Variants in NCAPG observed in about 807,000 individuals in gnomAD.
NCAPG encodes condensin complex subunit 3.
NCAPG carries 69 observed loss-of-function variants against 113.1 expected under a neutral mutation model. That is an observed-to-expected ratio of 0.61 (90% CI 0.50 to 0.75). The LOEUF (loss-of-function observed/expected upper bound fraction) is 0.75, where lower values mean the gene tolerates loss of function less well. NCAPG is among the 30% of genes least tolerant of loss of function. NCAPG has a pLI of 0.00. For missense variants in NCAPG, 1,058 were observed against 1,177.0 expected (o/e 0.90, Z 1.48); for synonymous variants, 370 against 415.8 (o/e 0.89, Z 1.34).
intron 2 of NCAPG, 152 bp downstream of exon 2, chr4:17,812,576 C>T: frequency 1.5e-6 from 1 of 658,542 alleles, no homozygotes; most frequent in Non-Finnish European, 2.6e-6. Context: ...TTAGAATTAT[C>T]ATTATGATTA....
intron 7 of NCAPG, among the ~76,000 whole-genome samples, chr4:17,821,738 T>C (rs1275537741): frequency 2.0e-5 from 3 of 151,756 alleles, no homozygotes; most frequent in Admixed American, 2.0e-4. Flanking sequence ...TGGTTGGGAT[T>C]ACAGGTGTGA....
At chr4:17,824,785 A>G (rs1721592010) in intron 9 of NCAPG, among the ~76,000 whole-genome samples, 183 bp from the exon 10 acceptor site, 1 of 147,220 alleles carries the variant, frequency 6.8e-6, no homozygotes, top group Admixed American at 6.7e-5. Context: ...GTAGTCAGAT[A>G]TATTGTTTTG....
chr4:17,825,676 T>G (rs1213979895), intron 11 of NCAPG, 115 bp downstream of exon 11: 1 of 878,298 alleles, frequency 1.1e-6, no homozygotes, highest in Non-Finnish European at 1.7e-6. Flanking sequence ...CACTTTGTAA[T>G]AGTGACATGA....
At chr4:17,822,200 T>TC (rs1721485843) in intron 7 of NCAPG, among the ~76,000 whole-genome samples, 1 of 150,164 alleles carries the variant, frequency 6.7e-6, no homozygotes, top group East Asian at 1.9e-4. Context: ...CTTTTTTTTT[T>TC]TTTTTTTTTT....
chr4:17,815,044 G>A (rs1383987664), intron 4 of NCAPG, 46 bp downstream of exon 4: 12 of 1,598,422 alleles, frequency 7.5e-6, no homozygotes, highest in Non-Finnish European at 1.0e-5. Flanking sequence ...TAAAGGACAA[G>A]GAGCCATTTT....
chr4:17,829,370 T>A (rs1721779915), intron 12 of NCAPG, among the ~76,000 whole-genome samples: 1 of 152,212 alleles, frequency 6.6e-6, no homozygotes, highest in Non-Finnish European at 1.5e-5. Flanking sequence ...GAAAACCAAT[T>A]TTAATAGTTT....
intron 11 of NCAPG, among the ~76,000 whole-genome samples, chr4:17,828,062 A>G (rs1039477857): frequency 2.0e-5 from 3 of 152,018 alleles, no homozygotes; most frequent in Non-Finnish European, 4.4e-5. Context: ...TGGCCCCCCA[A>G]AGTGCTAGGA....
chr4:17,821,457 CTTTTTTTTTT>C (rs34483824), intron 7 of NCAPG, among the ~76,000 whole-genome samples: 1 of 104,490 alleles, frequency 9.6e-6, no homozygotes, highest in African/African-American at 3.6e-5. Flanking sequence ...TCACCCCCGC[CTTTTTTTTTT>C]TTTTTTTTTT....
intron 14 of NCAPG, among the ~76,000 whole-genome samples, chr4:17,836,076 T>C (rs1722080981): frequency 6.6e-6 from 1 of 152,236 alleles, no homozygotes; most frequent in South Asian, 2.1e-4. Context: ...TAAATTTCCA[T>C]CTTCAGTGTA....
At position 17,844,010 on chromosome 4, in the gene NCAPG, C is replaced by T. The variant is rs1722683930; in HGVS notation, c.*585C>T. 1 of 151,994 alleles carries T rather than the reference C, an allele frequency of 6.6e-6. No individual in the cohort carries two copies. Among genetic ancestry groups the T allele is most frequent in the African/African-American group, 2.4e-5 (1 of 41,446 alleles). The allele number at this position is 151,994 out of a possible 1,614,324, so 9.4% of individuals were successfully genotyped here. A position where few individuals can be genotyped will look rare whatever the true frequency, so the allele number is the denominator to read the frequency against. ...GGTGATATCTGCCTGGGAAATCTCT[C>T]TTCCTAAAGTATTTGTATATGGGAG... On this transcript the variant is annotated 3_prime_UTR_variant, in exon 21 of 21. Transcript: ENST00000251496.
chr4:17,812,003 C>G (rs1384297712), intron 1 of NCAPG, among the ~76,000 whole-genome samples: 1 of 152,200 alleles, frequency 6.6e-6, no homozygotes, highest in Non-Finnish European at 1.5e-5. Context: ...AATCTTTTCA[C>G]TGTCAAAAGT....
chr4:17,814,960 A>G lies in NCAPG; in HGVS notation c.652A>G (p.Lys218Glu). 2 of 1,614,210 alleles carry G rather than the reference A, an allele frequency of 1.2e-6. No homozygotes were observed. The highest frequency in any genetic ancestry group is 1.7e-6 in the Non-Finnish European group (2 of 1,180,032). ...TTTGCCAAAAATTGTAGGGCGCACCAAGGATGTGAAAGAGGCTGTCAGAAA... is the reference window on the plus strand; with the variant it reads ...TTTGCCAAAAATTGTAGGGCGCACCGAGGATGTGAAAGAGGCTGTCAGAAA... The part of the protein sequence containing the change: ...KTLPKIVGRT[K>E]DVKEAVRKLA... The change falls in exon 4 of 21, where the codon AAG becomes GAG. Residue 218 changes from lysine to glutamate, a missense_variant. Physicochemically the swap from Lys to Glu is moderately conservative, Grantham distance 56. Coordinates refer to ENST00000251496, the MANE Select transcript of NCAPG (RefSeq NM_022346.5).
chr4:17,816,069 T>G (rs1470208833), intron 5 of NCAPG, among the ~76,000 whole-genome samples: 2 of 151,436 alleles, frequency 1.3e-5, no homozygotes, highest in Non-Finnish European at 2.9e-5. Flanking sequence ...TTCTTATTTT[T>G]TTTTTTTTCT....
intron 10 of NCAPG, 139 bp from the exon 11 acceptor site, chr4:17,825,243 C>A: frequency 3.6e-6 from 3 of 837,458 alleles, no homozygotes; most frequent in Non-Finnish European, 5.5e-6. Flanking sequence ...ATCTCTGTGT[C>A]AGGAAAACTA....
At chr4:17,829,675 G>T (rs1284033377) in intron 12 of NCAPG, among the ~76,000 whole-genome samples, 5 of 152,160 alleles carry the variant, frequency 3.3e-5, no homozygotes, top group Admixed American at 2.6e-4. Context: ...TTGGATAAAA[G>T]TTATATTTTT....
chr4:17,816,559 G>T (rs1197516276), intron 5 of NCAPG, among the ~76,000 whole-genome samples: 3 of 152,240 alleles, frequency 2.0e-5, no homozygotes, highest in Non-Finnish European at 4.4e-5. Flanking sequence ...TTAGTAGGAT[G>T]ACCTTAAAAG....
chr4:17,836,450 A>C (rs1246735531), intron 14 of NCAPG, among the ~76,000 whole-genome samples: 1 of 152,116 alleles, frequency 6.6e-6, no homozygotes, highest in African/African-American at 2.4e-5. Context: ...TTTTGGAGAT[A>C]CACTCATTTT....
At chr4:17,827,888 C>T (rs1467685856) in intron 11 of NCAPG, among the ~76,000 whole-genome samples, 1 of 151,306 alleles carries the variant, frequency 6.6e-6, no homozygotes, top group African/African-American at 2.4e-5. Context: ...TCACTGCAAC[C>T]TCCACCTCCC....
chr4:17,820,080 A>G (rs1480547163), intron 7 of NCAPG, among the ~76,000 whole-genome samples: 1 of 152,190 alleles, frequency 6.6e-6, no homozygotes, highest in East Asian at 1.9e-4. Flanking sequence ...TAAATATAAA[A>G]GATGTTTATA....
Sources: gnomAD v4.1 joint callset for allele counts (sites outside exome capture counted in the v4.1 genomes callset) on GRCh38, gnomAD v4.1.1 for gene constraint, MANE v1.5 for transcripts, NCBI Gene and HGNC (gene_info 2026-07-23, HGNC 2026-07-21) for gene names.